COL21A1: variants seen among roughly 807,000 people sequenced by gnomAD.
COL21A1 encodes the protein collagen alpha-1(XXI) chain.
In COL21A1, 149 loss-of-function variants were observed where a neutral mutation model predicts 137.9. That is an observed-to-expected ratio of 1.08 (90% CI 0.95 to 1.24). The LOEUF (loss-of-function observed/expected upper bound fraction) is 1.24, where lower values mean the gene tolerates loss of function less well. COL21A1 is among the 50% of genes most tolerant of loss of function. The pLI is 0.00. For missense variants in COL21A1, 1,167 were observed against 1,158.4 expected (o/e 1.01, Z -0.11); for synonymous variants, 456 against 391.5 (o/e 1.16, Z -1.95).
At chr6:56,265,563 G>A (rs1342801028) in intron 1 of COL21A1, among the ~76,000 whole-genome samples, 1 of 146,878 alleles carries the variant, frequency 6.8e-6, no homozygotes, top group East Asian at 2.0e-4. Flanking sequence ...AAAACACAGT[G>A]CATAAGCAAA....
Position 56,059,170 on chromosome 6 carries a change from G to C in COL21A1, c.2681C>G (p.Pro894Arg), listed in dbSNP as rs200478915. Residue 894 changes from proline to arginine, a missense_variant, in exon 29 of 30, where the codon CCC becomes CGC. Transcript: ENST00000244728. ...GAGCAGGTAGCAATTCTCACCTGGG[G>C]GACCAGGAGGACCTTGTTCTCCAGG... ...GYPGEQGPPG[P>R]PGPEGPPGIS... The C allele has an allele frequency of 5.4e-4, 869 of 1,611,298 alleles. No homozygotes were observed. The highest frequency in any genetic ancestry group is 6.8e-4 in the Non-Finnish European group (807 of 1,178,696).
At chr6:56,117,417 A>C (rs904719160) in intron 16 of COL21A1, among the ~76,000 whole-genome samples, 3 of 151,944 alleles carry the variant, frequency 2.0e-5, no homozygotes, top group African/African-American at 7.2e-5. Context: ...CCTAACACCC[A>C]AGCATCCAGA....
intron 1 of COL21A1, among the ~76,000 whole-genome samples, chr6:56,377,894 T>G (rs564334614): frequency 1.3e-5 from 2 of 152,222 alleles, no homozygotes; most frequent in South Asian, 4.1e-4. Flanking sequence ...CACAGCAGGA[T>G]AGGGCACTGG....
intron 1 of COL21A1, among the ~76,000 whole-genome samples, chr6:56,356,822 AAT>A (rs1765841485): frequency 6.6e-6 from 1 of 152,216 alleles, no homozygotes; most frequent in South Asian, 2.1e-4. Flanking sequence ...CAGTCTCCAC[AAT>A]ACTGAAGCAA....
intron 1 of COL21A1, among the ~76,000 whole-genome samples, chr6:56,345,578 A>G (rs1245841584): frequency 6.6e-6 from 1 of 152,182 alleles, no homozygotes; most frequent in African/African-American, 2.4e-5. Flanking sequence ...AATGAAATGA[A>G]GCAGCTTTCC....
At chr6:56,082,324 A>T (rs1767856416) in intron 17 of COL21A1, among the ~76,000 whole-genome samples, 1 of 145,418 alleles carries the variant, frequency 6.9e-6, no homozygotes. Context: ...TGGATGTGTT[A>T]AAACAAACAA....
chr6:56,391,014 T>A (rs1199908645), intron 1 of COL21A1, among the ~76,000 whole-genome samples: 1 of 152,156 alleles, frequency 6.6e-6, no homozygotes, highest in East Asian at 1.9e-4. Flanking sequence ...ACCTGCCAAA[T>A]ACACATTCTT....
intron 1 of COL21A1, chr6:56,393,884 G>A (rs958563521): frequency 2.0e-5 from 3 of 152,258 alleles, no homozygotes; most frequent in African/African-American, 7.2e-5. Context: ...AGAGCGGTGG[G>A]AAATACAAAA....
intron 1 of COL21A1, among the ~76,000 whole-genome samples, chr6:56,376,341 A>G (rs1275715226): frequency 6.6e-6 from 1 of 152,194 alleles, no homozygotes; most frequent in Admixed American, 6.5e-5. Context: ...GAGAAAACGG[A>G]GGAAGAGGAG....
At chr6:56,221,486 A>T (rs918794256) in intron 1 of COL21A1, among the ~76,000 whole-genome samples, 1 of 151,936 alleles carries the variant, frequency 6.6e-6, no homozygotes, top group African/African-American at 2.4e-5. Context: ...ACTTTGGGAG[A>T]TCAAAGCAGG....
At chr6:56,314,288 G>A (rs908340839) in intron 1 of COL21A1, among the ~76,000 whole-genome samples, 1 of 152,012 alleles carries the variant, frequency 6.6e-6, no homozygotes, top group African/African-American at 2.4e-5. Context: ...TGGCCAGAAG[G>A]TATCCTTTTA....
intron 1 of COL21A1, among the ~76,000 whole-genome samples, chr6:56,337,953 T>C (rs1439495696): frequency 9.3e-6 from 1 of 108,106 alleles, no homozygotes; most frequent in Non-Finnish European, 2.0e-5. Flanking sequence ...TTTCTTTTCT[T>C]TTCTTTTCTT....
intron 12 of COL21A1, among the ~76,000 whole-genome samples, chr6:56,132,075 A>T (rs1773598365): frequency 6.6e-6 from 1 of 150,938 alleles, no homozygotes; most frequent in Non-Finnish European, 1.5e-5. Context: ...AAAATATAAA[A>T]AATAAATAGC....
At chr6:56,225,336 T>C (rs1442135191) in intron 1 of COL21A1, among the ~76,000 whole-genome samples, 2 of 152,086 alleles carry the variant, frequency 1.3e-5, no homozygotes, top group Non-Finnish European at 2.9e-5. Flanking sequence ...CAACACCTGC[T>C]GCTGAGTGAT....
intron 9 of COL21A1, among the ~76,000 whole-genome samples, chr6:56,160,382 C>T (rs140342951): frequency 4.4e-4 from 67 of 152,264 alleles, no homozygotes; most frequent in African/African-American, 1.6e-3. Context: ...TGAGGTCACA[C>T]AGCAGTGATA....
At chr6:56,371,211 C>T (rs1029663683) in intron 1 of COL21A1, among the ~76,000 whole-genome samples, 1 of 152,166 alleles carries the variant, frequency 6.6e-6, no homozygotes, top group African/African-American at 2.4e-5. Flanking sequence ...AAAAATGTAT[C>T]GTCACTCAGT....
chr6:56,136,925 C>T (rs1404889630), intron 12 of COL21A1, among the ~76,000 whole-genome samples: 1 of 152,140 alleles, frequency 6.6e-6, no homozygotes, highest in Admixed American at 6.5e-5. Flanking sequence ...TCTTCTCCCT[C>T]CCCTGCCTAT....
chr6:56,330,231 AATT>A (rs1195655464), intron 1 of COL21A1, among the ~76,000 whole-genome samples: 2 of 152,070 alleles, frequency 1.3e-5, no homozygotes, highest in East Asian at 3.8e-4. Context: ...AAAATTTGGA[AATT>A]ATTAAGATAG....
At chr6:56,090,450 T>C (rs949235920) in intron 17 of COL21A1, among the ~76,000 whole-genome samples, 7 of 152,152 alleles carry the variant, frequency 4.6e-5, no homozygotes, top group African/African-American at 1.7e-4. Flanking sequence ...TTTGTACAGA[T>C]AATGAGCCAA....
Sources: allele counts gnomAD v4.1 joint callset (sites outside exome capture counted in the v4.1 genomes callset), GRCh38; gene constraint gnomAD v4.1.1; transcripts MANE v1.5; gene names NCBI Gene and HGNC (gene_info 2026-07-23, HGNC 2026-07-21).